GRIK2: variants seen among roughly 807,000 people sequenced by gnomAD.
GRIK2 encodes glutamate ionotropic receptor kainate type subunit 2, also known as glutamate receptor ionotropic, kainate 2.
A neutral mutation model predicts 100.3 loss-of-function variants in GRIK2; 32 were observed. The ratio of observed to expected loss-of-function variants is 0.32; its 90% CI spans 0.24 to 0.43. GRIK2 has a LOEUF of 0.43. Ranked by LOEUF, GRIK2 falls within the 20% of genes least tolerant of loss-of-function variation. The pLI is 1.00. For missense variants in GRIK2, 843 were observed against 1,114.9 expected (o/e 0.76, Z 3.47); for synonymous variants, 417 against 389.4 (o/e 1.07, Z -0.83).
chr6:101,414,939 CTTGTGT>C (rs1410562749), intron 2 of GRIK2, among the ~76,000 whole-genome samples: 2 of 129,208 alleles, frequency 1.5e-5, no homozygotes, highest in Non-Finnish European at 3.3e-5. Flanking sequence ...GAGTTTTAAA[CTTGTGT>C]GTGTGTGTGT....
At chr6:101,725,552 A>G (rs1342517883) in intron 7 of GRIK2, among the ~76,000 whole-genome samples, 1 of 152,022 alleles carries the variant, frequency 6.6e-6, no homozygotes, top group African/African-American at 2.4e-5. Flanking sequence ...TGTTTTTTGT[A>G]TAGAAGACAT....
chr6:101,779,595 A>T (rs1778958228), intron 7 of GRIK2, among the ~76,000 whole-genome samples: 1 of 152,182 alleles, frequency 6.6e-6, no homozygotes, highest in Non-Finnish European at 1.5e-5. Flanking sequence ...TAAGCTCTGA[A>T]AGGCAGCCCA....
chr6:101,619,093 T>C (rs1780026648), intron 2 of GRIK2, among the ~76,000 whole-genome samples: 1 of 150,732 alleles, frequency 6.6e-6, no homozygotes, highest in Non-Finnish European at 1.5e-5. Context: ...TAAAAAGTTC[T>C]TTCTCCTCAA....
chr6:101,403,775 G>A (rs182937553), intron 2 of GRIK2, among the ~76,000 whole-genome samples: 1 of 152,280 alleles, frequency 6.6e-6, no homozygotes, highest in East Asian at 1.9e-4. Flanking sequence ...ACTGACTCTT[G>A]GGAGGCGGGG....
At chr6:102,052,802 C>A (rs1357938002) in intron 15 of GRIK2, among the ~76,000 whole-genome samples, 1 of 152,108 alleles carries the variant, frequency 6.6e-6, no homozygotes, top group Non-Finnish European at 1.5e-5. Flanking sequence ...AAAGAAATTA[C>A]AGTCTGGGCA....
At chr6:102,053,091 A>AACACACACACACAC (rs148536098) in intron 15 of GRIK2, among the ~76,000 whole-genome samples, 20 of 149,268 alleles carry the variant, frequency 1.3e-4, no homozygotes, top group African/African-American at 4.7e-4. Context: ...CAACAACAAC[A>AACACACACACACAC]ACACACACAC....
chr6:101,821,442 G>A (rs1489895419), intron 10 of GRIK2, among the ~76,000 whole-genome samples: 1 of 151,888 alleles, frequency 6.6e-6, no homozygotes, highest in Non-Finnish European at 1.5e-5. Flanking sequence ...ATTTTCACAG[G>A]TAACACAAAT....
At chr6:102,059,902 A>T (rs1323807583) in intron 16 of GRIK2, among the ~76,000 whole-genome samples, 1 of 150,388 alleles carries the variant, frequency 6.6e-6, no homozygotes, top group East Asian at 1.9e-4. Flanking sequence ...CTGTCTGGAT[A>T]TAAATTATTG....
chr6:101,459,319 A>G (rs1771174653), intron 2 of GRIK2, among the ~76,000 whole-genome samples: 1 of 152,220 alleles, frequency 6.6e-6, no homozygotes, highest in Non-Finnish European at 1.5e-5. Context: ...AAGACAAAAA[A>G]GAGTAATAGC....
chr6:101,469,897 G>T (rs1252658835), intron 2 of GRIK2, among the ~76,000 whole-genome samples: 1 of 152,184 alleles, frequency 6.6e-6, no homozygotes, highest in African/African-American at 2.4e-5. Context: ...CCTCTCTGTT[G>T]TGGAAAAGCA....
chr6:101,768,194 C>G (rs1332429599), intron 7 of GRIK2, among the ~76,000 whole-genome samples: 2 of 152,122 alleles, frequency 1.3e-5, no homozygotes, highest in African/African-American at 4.8e-5. Context: ...TTTATAGAAA[C>G]ACAACATAAA....
chr6:101,666,190 C>A (rs2128336084), intron 4 of GRIK2, among the ~76,000 whole-genome samples: 1 of 152,218 alleles, frequency 6.6e-6, no homozygotes, highest in Non-Finnish European at 1.5e-5. Context: ...AGCAGCAAAA[C>A]AATGTAGGTT....
intron 7 of GRIK2, among the ~76,000 whole-genome samples, chr6:101,708,553 C>G (rs999925765): frequency 1.3e-5 from 2 of 151,488 alleles, no homozygotes; most frequent in Non-Finnish European, 3.0e-5. Context: ...AATTTACCTT[C>G]TTTTAAAATT....
At chr6:101,932,251 T>C (rs1427734779) in intron 14 of GRIK2, among the ~76,000 whole-genome samples, 1 of 152,010 alleles carries the variant, frequency 6.6e-6, no homozygotes, top group Non-Finnish European at 1.5e-5. Context: ...CATATGTCCA[T>C]CTAAAAGATA....
intron 12 of GRIK2, among the ~76,000 whole-genome samples, chr6:101,909,927 T>G (rs976149214): frequency 3.3e-5 from 5 of 151,194 alleles, no homozygotes; most frequent in Non-Finnish European, 7.4e-5. Context: ...AATGCAGCAC[T>G]ATCAGAAATA....
At chr6:101,720,287 C>T (rs1774389846) in intron 7 of GRIK2, among the ~76,000 whole-genome samples, 1 of 151,878 alleles carries the variant, frequency 6.6e-6, no homozygotes, top group African/African-American at 2.4e-5. Flanking sequence ...ATAAAATAGC[C>T]AATATACTTT....
chr6:101,507,341 A>T (rs551557908), intron 2 of GRIK2, among the ~76,000 whole-genome samples: 51 of 152,216 alleles, frequency 3.4e-4, no homozygotes, highest in South Asian at 2.7e-3. Context: ...TGCCTTAGAG[A>T]TATATCTATT....
chr6:101,511,021 G>A (rs573237579), intron 2 of GRIK2, among the ~76,000 whole-genome samples: 2 of 152,192 alleles, frequency 1.3e-5, no homozygotes, highest in East Asian at 3.9e-4. Flanking sequence ...TGCATTAAGT[G>A]GTAACATTAC....
chr6:101,686,391 T>C (rs373548772), intron 7 of GRIK2, 38 bp downstream of exon 7: 661 of 1,476,484 alleles, frequency 4.5e-4, no homozygotes, highest in Non-Finnish European at 5.9e-4. Flanking sequence ...TGTGTGTTTC[T>C]AAATAGTATT....
Sources: gnomAD v4.1 joint callset for allele counts (sites outside exome capture counted in the v4.1 genomes callset) on GRCh38, gnomAD v4.1.1 for gene constraint, MANE v1.5 for transcripts, NCBI Gene and HGNC (gene_info 2026-07-23, HGNC 2026-07-21) for gene names.